Variants in NXPE4 observed in about 807,000 individuals in gnomAD.
NXPE4 encodes the protein NXPE family member 4.
A neutral mutation model predicts 33.3 loss-of-function variants in NXPE4; 42 were observed. That is an observed-to-expected ratio of 1.26 (90% confidence interval 0.98 to 1.63). The LOEUF (loss-of-function observed/expected upper bound fraction) is 1.63, where lower values mean the gene tolerates loss of function less well. Ranked by LOEUF, NXPE4 falls within the 40% of genes most tolerant of loss-of-function variation. The pLI is 0.00. For synonymous variants in NXPE4, 253 were observed against 234.9 expected (o/e 1.08, Z -0.71); for missense variants, 709 against 647.6 (o/e 1.09, Z -1.03).
the NXPE4 span, among the ~76,000 whole-genome samples, chr11:114,641,251 G>T: frequency 1.3e-5 from 2 of 151,772 alleles, no homozygotes; most frequent in Admixed American, 6.6e-5. Context: ...ATGGAGGAAA[G>T]AAATAATAAT....
chr11:114,669,560 T>C, the NXPE4 span, among the ~76,000 whole-genome samples: 1 of 152,074 alleles, frequency 6.6e-6, no homozygotes, highest in Admixed American at 6.6e-5. Flanking sequence ...CAGAAGCACT[T>C]TTCTAGGTTT....
the NXPE4 span, among the ~76,000 whole-genome samples, chr11:114,639,313 C>T: frequency 2.8e-4 from 43 of 152,132 alleles, no homozygotes; most frequent in Non-Finnish European, 5.3e-4. Context: ...TCCTTAAGCC[C>T]GTCGGAAAAG....
At chr11:114,671,192 A>G in the NXPE4 span, among the ~76,000 whole-genome samples, 1 of 151,366 alleles carries the variant, frequency 6.6e-6, no homozygotes, top group African/African-American at 2.4e-5. Context: ...TTGAACTGTC[A>G]GAAGAAAGAA....
the NXPE4 span, among the ~76,000 whole-genome samples, chr11:114,657,726 G>C: frequency 1.3e-5 from 2 of 151,762 alleles, no homozygotes; most frequent in African/African-American, 4.8e-5. Flanking sequence ...ATCATAAAAG[G>C]CTTCCTTGTA....
At chr11:114,584,203 G>T in intron 2 of NXPE4, 1 of 366,484 alleles carries the variant, frequency 2.7e-6, no homozygotes, top group Non-Finnish European at 5.4e-6. Context: ...ATAAGAAAGA[G>T]CTGTGGCTCT....
chr11:114,632,165 A>G, the NXPE4 span, among the ~76,000 whole-genome samples: 2 of 142,138 alleles, frequency 1.4e-5, no homozygotes, highest in Non-Finnish European at 1.5e-5. Flanking sequence ...AATAAAATTT[A>G]TCATATAATA....
chr11:114,629,012 A>G, the NXPE4 span, among the ~76,000 whole-genome samples: 5 of 152,068 alleles, frequency 3.3e-5, no homozygotes, highest in Admixed American at 3.3e-4. Flanking sequence ...ACAGGCTCTG[A>G]AATTGTGGCA....
chr11:114,635,869 G>A, the NXPE4 span, among the ~76,000 whole-genome samples: 1 of 152,068 alleles, frequency 6.6e-6, no homozygotes, highest in Non-Finnish European at 1.5e-5. Flanking sequence ...CGGTTTGCCA[G>A]TATTTTATCG....
At chr11:114,574,978 A>G (rs545084816) in intron 5 of NXPE4, among the ~76,000 whole-genome samples, 1 of 152,258 alleles carries the variant, frequency 6.6e-6, no homozygotes, top group Non-Finnish European at 1.5e-5. Flanking sequence ...ATGGCATATC[A>G]AAAAGATAAT....
At chr11:114,607,724 G>A in the NXPE4 span, among the ~76,000 whole-genome samples, 735 of 152,004 alleles carry the variant, frequency 4.8e-3, 6 homozygotes, top group African/African-American at 0.016. Context: ...TTGTTGCCTC[G>A]TGGGTAACCA....
At chr11:114,633,007 AT>A in the NXPE4 span, among the ~76,000 whole-genome samples, 5 of 106,184 alleles carry the variant, frequency 4.7e-5, no homozygotes, top group Non-Finnish European at 8.4e-5. Flanking sequence ...ATAATAATAT[AT>A]ATTATATAAT....
chr11:114,638,358 C>T, the NXPE4 span, among the ~76,000 whole-genome samples: 165 of 152,032 alleles, frequency 1.1e-3, 1 homozygote, highest in African/African-American at 3.9e-3. Context: ...TCTAGTTATC[C>T]ATTCGTCTAA....
intron 2 of NXPE4, among the ~76,000 whole-genome samples, chr11:114,585,296 T>C (rs1949265244): frequency 2.0e-5 from 3 of 151,890 alleles, no homozygotes; most frequent in Admixed American, 2.0e-4. Context: ...TGTAATAAAA[T>C]GGTATATTTC....
the NXPE4 span, among the ~76,000 whole-genome samples, chr11:114,607,273 C>A: frequency 1.3e-5 from 2 of 151,678 alleles, no homozygotes; most frequent in African/African-American, 4.8e-5. Context: ...TCATGGGTAA[C>A]CACTGTTGCC....
At chr11:114,583,823 G>T in intron 2 of NXPE4, 1 of 422,056 alleles carries the variant, frequency 2.4e-6, no homozygotes, top group South Asian at 1.9e-5. Flanking sequence ...CTATATTACA[G>T]GCTAGGCCAG....
At chr11:114,609,566 G>A in the NXPE4 span, among the ~76,000 whole-genome samples, 4 of 151,428 alleles carry the variant, frequency 2.6e-5, no homozygotes, top group African/African-American at 9.7e-5. Flanking sequence ...ATTGCCTCCT[G>A]GGTAACCACT....
chr11:114,602,897 A>G, the NXPE4 span, among the ~76,000 whole-genome samples: 1 of 148,604 alleles, frequency 6.7e-6, no homozygotes, highest in East Asian at 2.0e-4. Context: ...TATCTAATAT[A>G]TAATTACAGA....
the NXPE4 span, among the ~76,000 whole-genome samples, chr11:114,620,256 G>A: frequency 7.9e-5 from 12 of 151,520 alleles, no homozygotes; most frequent in Admixed American, 3.3e-4. Context: ...TTATTGCCTC[G>A]TGGGTAACTA....
the NXPE4 span, among the ~76,000 whole-genome samples, chr11:114,611,493 T>G: frequency 6.6e-6 from 1 of 151,974 alleles, no homozygotes; most frequent in African/African-American, 2.4e-5. Flanking sequence ...ACCCTGTGGA[T>G]AATAAGTATT....
Sources: allele counts gnomAD v4.1 joint callset (sites outside exome capture counted in the v4.1 genomes callset), GRCh38; gene constraint gnomAD v4.1.1; transcripts MANE v1.5; gene names NCBI Gene and HGNC (gene_info 2026-07-23, HGNC 2026-07-21).